LRIG3: variants seen among roughly 807,000 people sequenced by gnomAD.
The protein encoded by LRIG3 is leucine rich repeats and immunoglobulin like domains 3.
In LRIG3, 76 loss-of-function variants were observed where a neutral mutation model predicts 114.5. That is an observed-to-expected ratio of 0.66 (90% CI 0.55 to 0.80). LRIG3 has a LOEUF of 0.80. Among genes scored for constraint, LRIG3 ranks in the 30% least tolerant of loss-of-function variants. The pLI is 0.00. For synonymous variants in LRIG3, 512 were observed against 519.8 expected (o/e 0.98, Z 0.20); for missense variants, 1,239 against 1,382.8 (o/e 0.90, Z 1.65).
At chr12:58,897,930 A>C (rs1871700916) in intron 3 of LRIG3, among the ~76,000 whole-genome samples, 1 of 152,092 alleles carries the variant, frequency 6.6e-6, no homozygotes, top group African/African-American at 2.4e-5. Flanking sequence ...TTTACTTGTG[A>C]GTGGAGAGAA....
chr12:58,908,795 A>G (rs1347582897), intron 3 of LRIG3, among the ~76,000 whole-genome samples: 2 of 152,160 alleles, frequency 1.3e-5, no homozygotes, highest in Admixed American at 6.5e-5. Flanking sequence ...ATATTCTTTA[A>G]TTCATACATT....
intron 1 of LRIG3, 77 bp downstream of exon 1, chr12:58,919,923 C>T: frequency 7.2e-7 from 1 of 1,379,592 alleles, no homozygotes; most frequent in Non-Finnish European, 1.0e-6. Flanking sequence ...GCACGCCGAA[C>T]CCCATTCCCC....
chr12:58,879,149 T>C, intron 13 of LRIG3, 44 bp from the exon 14 acceptor site: 1 of 1,545,432 alleles, frequency 6.5e-7, no homozygotes, highest in Non-Finnish European at 8.8e-7. Context: ...AGTGGAGTCT[T>C]ACAGGTTCAC....
In LRIG3 at chr12:58,886,403, A is replaced by G. The variant is rs552641885; in HGVS notation, c.1172+407T>C. Among the ~76,000 whole-genome samples, 12 of 151,966 alleles carry G rather than the reference A, an allele frequency of 7.9e-5. No individual in the cohort carries two copies. In the South Asian group the frequency reaches 2.3e-3, roughly 29 times the overall value. On this transcript the variant is annotated intron_variant, in intron 9 of 18. Coordinates refer to ENST00000320743, the MANE Select transcript of LRIG3 (RefSeq NM_153377.5). ...GATGTTTTCATCCTGTTTTGCTTGT[A>G]ACCTACCACAGCATTATCAGTGGCT...
At chr12:58,916,523 T>G (rs1872487626) in intron 1 of LRIG3, among the ~76,000 whole-genome samples, 1 of 152,232 alleles carries the variant, frequency 6.6e-6, no homozygotes, top group South Asian at 2.1e-4. Flanking sequence ...CTTACATTGT[T>G]TTTATGGCTA....
At chr12:58,899,749 A>T (rs1240628290) in intron 3 of LRIG3, among the ~76,000 whole-genome samples, 3 of 152,202 alleles carry the variant, frequency 2.0e-5, no homozygotes, top group Non-Finnish European at 4.4e-5. Context: ...CTTAATAAAA[A>T]GCAGCACTAA....
intron 3 of LRIG3, among the ~76,000 whole-genome samples, chr12:58,908,417 A>T (rs965227203): frequency 6.6e-6 from 1 of 152,200 alleles, no homozygotes; most frequent in East Asian, 1.9e-4. Context: ...GGGGCCGTGA[A>T]AAAGCTGTAT....
Position 58,883,042 on chromosome 12 carries a change from G to C in LRIG3, c.1317-10C>G. On this transcript the variant is annotated splice_polypyrimidine_tract_variant and intron_variant, in intron 11 of 18. Coordinates refer to ENST00000320743, the MANE Select transcript of LRIG3 (RefSeq NM_153377.5). ...TGATGTATTTAAATGCCTGAGGAGA[G>C]TAATTACATTCAATTTGTTCTGTAT... 1 of 1,596,708 alleles carries C rather than the reference G, an allele frequency of 6.3e-7. No individual in the cohort carries two copies. Among genetic ancestry groups the C allele is most frequent in the Non-Finnish European group, 8.5e-7 (1 of 1,170,382 alleles).
intron 10 of LRIG3, among the ~76,000 whole-genome samples, chr12:58,884,153 C>T (rs1345035815): frequency 1.3e-5 from 2 of 152,140 alleles, no homozygotes; most frequent in African/African-American, 2.4e-5. Flanking sequence ...AACCATTAAC[C>T]TAATTCTGTC....
rs773143860 is a variant in LRIG3 at position 58,878,879 on chromosome 12, G to A, written c.2028C>T (p.Cys676=). 5.0e-6 allele frequency: 8 copies of A among 1,614,198 alleles called. No individual in the cohort carries two copies. The highest frequency in any genetic ancestry group is 6.8e-6 in the Non-Finnish European group (8 of 1,180,032). ...TACTTCCTGCACTGTTCTGAGCTGTGCAGCTGTATACCCCAATGTCCTCTA... is the reference window on the plus strand; with the variant it reads ...TACTTCCTGCACTGTTCTGAGCTGTACAGCTGTATACCCCAATGTCCTCTA... ...VKIEDIGVYS[C]TAQNSAGSIS... Residue 676 remains cysteine, a synonymous_variant, in exon 14 of 19, where the codon TGC becomes TGT. Coordinates refer to ENST00000320743, the MANE Select transcript of LRIG3 (RefSeq NM_153377.5).
At position 58,914,016 on chromosome 12, in the gene LRIG3, C is replaced by T. The variant is rs1872380796; in HGVS notation, c.349G>A (p.Gly117Arg). The T allele has an allele frequency of 6.2e-7, 1 of 1,611,956 alleles. No homozygotes were observed. Among genetic ancestry groups the T allele is most frequent in the Non-Finnish European group, 8.5e-7 (1 of 1,179,600 alleles). ...AGTGTAATATTTGCCGAGACTGGTC[C>T]CAGATTTGGAATGGTCTCCAATTCA... ...NNELETIPNL[G>R]PVSANITLLS... Residue 117 changes from glycine to arginine, a missense_variant, in exon 3 of 19, where the codon GGA (glycine) becomes AGA (arginine). Transcript: ENST00000320743.
chr12:58,888,201 T>TGCA, intron 7 of LRIG3, 128 bp downstream of exon 7: 2 of 1,137,010 alleles, frequency 1.8e-6, no homozygotes, highest in South Asian at 3.6e-5. Flanking sequence ...AAGACTAGGT[T>TGCA]GCATGTGAAA....
chr12:58,890,337 A>G (rs112168476), intron 4 of LRIG3, among the ~76,000 whole-genome samples, 198 bp from the exon 5 acceptor site: 1 of 152,234 alleles, frequency 6.6e-6, no homozygotes, highest in African/African-American at 2.4e-5. Flanking sequence ...TATGTGACGG[A>G]TGCAAAATTT....
Position 58,882,956 on chromosome 12 carries a change from G to T in LRIG3, c.1393C>A (p.Gln465Lys). Reference sequence around the variant, plus strand: ...GCACAACTGGCATTTACAAAGCTCTGAAAGTTGTTTTCCGCCACCCACTGT... The same window carrying T: ...GCACAACTGGCATTTACAAAGCTCTTAAAGTTGTTTTCCGCCACCCACTGT... ...LPQWVAENNFQSFVNASCAHP... is the reference protein window; with the variant it reads ...LPQWVAENNFKSFVNASCAHP... The change falls in exon 12 of 19, where the codon CAG becomes AAG. Residue 465 changes from glutamine to lysine, a missense_variant. Gln to Lys is a moderately conservative substitution (Grantham distance 53). Coordinates refer to ENST00000320743, the MANE Select transcript of LRIG3 (RefSeq NM_153377.5). 1 of 1,614,158 alleles carries T rather than the reference G, an allele frequency of 6.2e-7. No individual in the cohort carries two copies. Among genetic ancestry groups the T allele is most frequent in the Non-Finnish European group, 8.5e-7 (1 of 1,180,002 alleles).
intron 3 of LRIG3, among the ~76,000 whole-genome samples, chr12:58,905,368 T>G (rs1414979454): frequency 6.6e-6 from 1 of 152,250 alleles, no homozygotes; most frequent in African/African-American, 2.4e-5. Context: ...GTAAACTCTC[T>G]TTTATGTGTA....
chr12:58,909,699 A>G (rs891593399), intron 3 of LRIG3, among the ~76,000 whole-genome samples: 1 of 152,234 alleles, frequency 6.6e-6, no homozygotes, highest in Admixed American at 6.5e-5. Context: ...TTCTCATTTT[A>G]GAGATGACTG....
intron 13 of LRIG3, among the ~76,000 whole-genome samples, chr12:58,879,465 T>A (rs568394885): frequency 2.4e-4 from 37 of 151,584 alleles, no homozygotes; most frequent in Non-Finnish European, 4.9e-4. Flanking sequence ...CTTCATCTAT[T>A]TTTTTTTTAA....
Position 58,888,851 on chromosome 12 carries a change from T to C in LRIG3, c.771A>G (p.Gly257=). The C allele has an allele frequency of 6.2e-7, 1 of 1,613,720 alleles. No homozygotes were observed. The highest frequency in any genetic ancestry group is 8.5e-7 in the Non-Finnish European group (1 of 1,179,828). The stretch of plus-strand genomic sequence containing the variant: ...CCATGTTGCTCAGCCCCCAAAAAGC[T>C]CCATCCATAAGTTTCGTTACTCCAT... ...QRNGVTKLMD[G]AFWGLSNMEI... The change falls in exon 6 of 19, where the codon GGA becomes GGG. Residue 257 remains glycine, a synonymous_variant. Transcript: ENST00000320743.
At chr12:58,880,960 A>G (rs1161982483) in intron 12 of LRIG3, 59 bp from the exon 13 acceptor site, 2 of 1,502,462 alleles carry the variant, frequency 1.3e-6, no homozygotes, top group African/African-American at 2.8e-5. Context: ...TCCAAATACT[A>G]CTCAAATTTG....
Sources: gnomAD v4.1 joint callset for allele counts (sites outside exome capture counted in the v4.1 genomes callset) on GRCh38, gnomAD v4.1.1 for gene constraint, MANE v1.5 for transcripts, NCBI Gene and HGNC (gene_info 2026-07-23, HGNC 2026-07-21) for gene names.